Variants in IFT56 observed in about 807,000 individuals in gnomAD.
IFT56 encodes the protein intraflagellar transport 56, also known as intraflagellar transport protein 56.
chr7:139,142,280 G>A, the IFT56 span: 5 of 1,613,524 alleles, frequency 3.1e-6, no homozygotes, highest in South Asian at 2.2e-5. Context: ...CTCCAAAACC[G>A]CCTCCTCTTC....
At chr7:139,160,669 T>A in the IFT56 span, among the ~76,000 whole-genome samples, 1 of 152,138 alleles carries the variant, frequency 6.6e-6, no homozygotes, top group African/African-American at 2.4e-5. Flanking sequence ...ATCTGTTGAC[T>A]TTGTGATCCG....
At chr7:139,182,983 T>G in the IFT56 span, among the ~76,000 whole-genome samples, 1 of 152,044 alleles carries the variant, frequency 6.6e-6, no homozygotes, top group Non-Finnish European at 1.5e-5. Context: ...CTTAAAAAAT[T>G]TGATATTAAA....
At chr7:139,178,564 A>G in the IFT56 span, 1 of 1,614,116 alleles carries the variant, frequency 6.2e-7, no homozygotes, top group African/African-American at 1.3e-5. Context: ...GCCCAAGCCA[A>G]AGCTGCAACA....
At chr7:139,135,915 C>CTT in the IFT56 span, among the ~76,000 whole-genome samples, 1 of 149,666 alleles carries the variant, frequency 6.7e-6, no homozygotes, top group African/African-American at 2.5e-5. Flanking sequence ...AGTTCACTTT[C>CTT]TTTTTTTTTT....
At chr7:139,148,127 C>A in the IFT56 span, 1 of 1,332,402 alleles carries the variant, frequency 7.5e-7, no homozygotes, top group Non-Finnish European at 1.1e-6. Flanking sequence ...TCCTCTTTGC[C>A]TTGTCCATTT....
chr7:139,143,027 TA>T, the IFT56 span, among the ~76,000 whole-genome samples: 1 of 152,088 alleles, frequency 6.6e-6, no homozygotes, highest in African/African-American at 2.4e-5. Flanking sequence ...TTAATTTATT[TA>T]AAAAATTGTT....
the IFT56 span, among the ~76,000 whole-genome samples, chr7:139,150,915 TACAC>T: frequency 6.6e-6 from 1 of 152,180 alleles, no homozygotes; most frequent in Non-Finnish European, 1.5e-5. Context: ...TGTCCTGCAA[TACAC>T]ACACACAAAA....
the IFT56 span, among the ~76,000 whole-genome samples, chr7:139,153,414 G>A: frequency 6.6e-6 from 1 of 150,692 alleles, no homozygotes; most frequent in African/African-American, 2.5e-5. Flanking sequence ...TTGCACCAAT[G>A]CACTCCAGCC....
the IFT56 span, chr7:139,174,095 C>A: frequency 1.7e-6 from 1 of 600,358 alleles, no homozygotes; most frequent in South Asian, 1.4e-5. Context: ...CTCAGGCGAG[C>A]TACAGCTTTT....
At chr7:139,169,351 T>C in the IFT56 span, 3 of 1,613,706 alleles carry the variant, frequency 1.9e-6, no homozygotes, top group African/African-American at 1.3e-5. Context: ...CTAGTGAATG[T>C]GGTATGTCTG....
chr7:139,134,711 AAAG>A, the IFT56 span: 3 of 1,614,134 alleles, frequency 1.9e-6, no homozygotes, highest in Non-Finnish European at 2.5e-6. Flanking sequence ...CTGACAAAAG[AAAG>A]AAGAAAGGTA....
At chr7:139,153,120 G>A in the IFT56 span, among the ~76,000 whole-genome samples, 2 of 149,710 alleles carry the variant, frequency 1.3e-5, no homozygotes, top group African/African-American at 5.0e-5. Flanking sequence ...CTGCACTCCA[G>A]CCCGAGCAAC....
chr7:139,153,122 C>G, the IFT56 span, among the ~76,000 whole-genome samples: 3 of 151,012 alleles, frequency 2.0e-5, no homozygotes, highest in East Asian at 1.9e-4. Flanking sequence ...GCACTCCAGC[C>G]CGAGCAACGG....
chr7:139,185,283 C>T, the IFT56 span, among the ~76,000 whole-genome samples: 1 of 151,938 alleles, frequency 6.6e-6, no homozygotes, highest in Admixed American at 6.6e-5. Context: ...ATAACAGGAC[C>T]ATCATCAACA....
chr7:139,143,210 TG>T, the IFT56 span, among the ~76,000 whole-genome samples: 10 of 152,164 alleles, frequency 6.6e-5, no homozygotes, highest in Admixed American at 5.9e-4. Context: ...TAATTGATAT[TG>T]CTAAGTTGTT....
the IFT56 span, among the ~76,000 whole-genome samples, chr7:139,169,895 C>A: frequency 1.3e-5 from 2 of 151,938 alleles, no homozygotes; most frequent in Middle Eastern, 3.2e-3. Context: ...ACACCTATGG[C>A]CCCAGCTACT....
At chr7:139,168,842 C>A in the IFT56 span, among the ~76,000 whole-genome samples, 2 of 152,078 alleles carry the variant, frequency 1.3e-5, no homozygotes, top group African/African-American at 4.8e-5. Context: ...ATACAGCGTT[C>A]TTTGTTCTTT....
At chr7:139,190,979 A>T in the IFT56 span, 1 of 152,058 alleles carries the variant, frequency 6.6e-6, no homozygotes, top group Non-Finnish European at 1.5e-5. Flanking sequence ...TTATCCCAGC[A>T]CTCCACTTGT....
chr7:139,169,248 T>A, the IFT56 span: 1 of 1,541,992 alleles, frequency 6.5e-7, no homozygotes, highest in South Asian at 1.1e-5. Context: ...AATAAAATAT[T>A]TTTACCTTAT....
Sources: allele counts gnomAD v4.1 joint callset (sites outside exome capture counted in the v4.1 genomes callset), GRCh38; gene constraint gnomAD v4.1.1; transcripts MANE v1.5; gene names NCBI Gene and HGNC (gene_info 2026-07-23, HGNC 2026-07-21).